The following EYS variants were observed in gnomAD, a reference collection of about 807,000 sequenced individuals.
The protein encoded by EYS is EGF-like photoreceptor maintenance factor.
In EYS, 250 loss-of-function variants were observed where a neutral mutation model predicts 282.1. The observed-to-expected ratio is 0.89, with a 90% confidence interval of 0.80 to 0.98. EYS has a LOEUF of 0.98. EYS is among the 50% of genes least tolerant of loss of function. EYS has a pLI of 0.00. For synonymous variants in EYS, 1,355 were observed against 1,282.9 expected (o/e 1.06, Z -1.20); for missense variants, 4,016 against 3,709.0 (o/e 1.08, Z -2.15).
intron 11 of EYS, among the ~76,000 whole-genome samples, chr6:65,301,887 A>G (rs1768846911): frequency 1.3e-5 from 2 of 152,346 alleles, no homozygotes; most frequent in African/African-American, 4.8e-5. Flanking sequence ...AACTAGAGAT[A>G]GTGATGCTTT....
intron 31 of EYS, among the ~76,000 whole-genome samples, chr6:64,085,336 G>GCA (rs1304096306): frequency 1.3e-5 from 1 of 76,640 alleles, no homozygotes; most frequent in Non-Finnish European, 2.7e-5. Flanking sequence ...GCGCACGTGC[G>GCA]CGCGCACACA....
intron 36 of EYS, chr6:63,821,124 A>G (rs1269135058): frequency 6.6e-6 from 1 of 151,562 alleles, no homozygotes; most frequent in Non-Finnish European, 1.5e-5. Context: ...AAAGTTTTAT[A>G]ATTTTCTACA....
chr6:64,592,632 A>T (rs567771714), intron 25 of EYS, among the ~76,000 whole-genome samples: 1 of 152,298 alleles, frequency 6.6e-6, no homozygotes, highest in African/African-American at 2.4e-5. Flanking sequence ...ATAATATGAC[A>T]TCACTTGATT....
chr6:64,345,790 G>A (rs1008205264), intron 29 of EYS, among the ~76,000 whole-genome samples: 13 of 152,028 alleles, frequency 8.6e-5, no homozygotes, highest in African/African-American at 1.9e-4. Flanking sequence ...GAAAATTTTC[G>A]CAACCTACTT....
intron 36 of EYS, among the ~76,000 whole-genome samples, chr6:63,808,113 C>T (rs1360659628): frequency 2.0e-5 from 3 of 152,030 alleles, no homozygotes; most frequent in African/African-American, 7.2e-5. Flanking sequence ...ATGCTGGTGA[C>T]ACAAAGATAA....
At chr6:64,254,110 C>A (rs9353665) in intron 30 of EYS, among the ~76,000 whole-genome samples, 47,376 of 151,834 alleles carry the variant, frequency 0.31, 7,411 homozygotes, top group East Asian at 0.51. Context: ...CTAGGGAGGC[C>A]TTAATTAAAC....
intron 22 of EYS, among the ~76,000 whole-genome samples, chr6:64,680,829 C>T (rs1391172497): frequency 6.6e-6 from 1 of 152,064 alleles, no homozygotes; most frequent in African/African-American, 2.4e-5. Flanking sequence ...GAGATTTTGC[C>T]CCGGGGAAAA....
chr6:64,822,506 C>T, intron 20 of EYS, 145 bp downstream of exon 20: 1 of 649,276 alleles, frequency 1.5e-6, no homozygotes, highest in South Asian at 2.3e-5. Flanking sequence ...AAACTGGCAG[C>T]ATCTGTCATC....
intron 2 of EYS, among the ~76,000 whole-genome samples, chr6:65,530,273 C>A (rs973030486): frequency 2.0e-5 from 3 of 152,126 alleles, no homozygotes; most frequent in African/African-American, 7.2e-5. Flanking sequence ...TTCTCAGTGT[C>A]TATCAAACTC....
Position 65,326,938 on chromosome 6 carries a change from T to G in EYS, c.1766+8042A>C, listed in dbSNP as rs1028639488. On this transcript the variant is annotated intron_variant, in intron 11 of 42. Transcript: ENST00000503581. The stretch of plus-strand genomic sequence containing the variant: ...AATTATTTTATTTCTAATAAGTTTT[T>G]TAAATCAATTCTTTTATTTTACTAT... 5.6e-4 allele frequency among the ~76,000 whole-genome samples: 85 copies of G among 151,814 alleles called. 1 individual carries two copies. Among genetic ancestry groups the G allele is most frequent in the African/African-American group, 1.8e-3 (75 of 41,556 alleles).
intron 14 of EYS, among the ~76,000 whole-genome samples, chr6:64,991,039 A>T (rs1484279545): frequency 6.6e-6 from 1 of 151,312 alleles, no homozygotes; most frequent in Non-Finnish European, 1.5e-5. Flanking sequence ...ACATATTAAG[A>T]TAATTATACA....
At chr6:64,337,458 T>A (rs1390217554) in intron 29 of EYS, among the ~76,000 whole-genome samples, 1 of 151,798 alleles carries the variant, frequency 6.6e-6, no homozygotes, top group Non-Finnish European at 1.5e-5. Context: ...AACAGACCAA[T>A]AAGAAACAGT....
At chr6:64,390,527 AG>A (rs1262630884) in intron 28 of EYS, among the ~76,000 whole-genome samples, 1 of 151,294 alleles carries the variant, frequency 6.6e-6, no homozygotes, top group Non-Finnish European at 1.5e-5. Context: ...GACACCTCAC[AG>A]GGCAGGGTAT....
At chr6:65,453,687 C>G (rs1415356307) in intron 5 of EYS, among the ~76,000 whole-genome samples, 1 of 152,010 alleles carries the variant, frequency 6.6e-6, no homozygotes, top group Non-Finnish European at 1.5e-5. Flanking sequence ...CCCCTCCCCC[C>G]TACAGTCTCT....
intron 19 of EYS, among the ~76,000 whole-genome samples, chr6:64,885,547 T>C (rs1305609996): frequency 1.3e-5 from 2 of 151,800 alleles, no homozygotes; most frequent in Non-Finnish European, 3.0e-5. Context: ...CATTGATAGC[T>C]CAATAATTTT....
At chr6:63,762,767 T>G in intron 40 of EYS, 134 bp from the exon 41 acceptor site, 1 of 835,928 alleles carries the variant, frequency 1.2e-6, no homozygotes, top group Non-Finnish European at 1.8e-6. Flanking sequence ...ATTCAAACCC[T>G]AAATTGTCAA....
At chr6:64,962,824 G>A (rs142282462) in intron 14 of EYS, among the ~76,000 whole-genome samples, 4 of 152,214 alleles carry the variant, frequency 2.6e-5, no homozygotes, top group East Asian at 1.9e-4. Flanking sequence ...TTACCGAAGA[G>A]TAAGTATATC....
chr6:63,807,211 A>G (rs921008899), intron 36 of EYS, among the ~76,000 whole-genome samples: 1 of 152,136 alleles, frequency 6.6e-6, no homozygotes, highest in African/African-American at 2.4e-5. Context: ...TTGACACCCC[A>G]TTCCTGTCTT....
intron 8 of EYS, among the ~76,000 whole-genome samples, chr6:65,380,090 G>A (rs1765553054): frequency 6.6e-6 from 1 of 151,776 alleles, no homozygotes; most frequent in South Asian, 2.1e-4. Context: ...ATCTTCCATC[G>A]ACTTTCTTCA....
Sources: gnomAD v4.1 joint callset for allele counts (sites outside exome capture counted in the v4.1 genomes callset) on GRCh38, gnomAD v4.1.1 for gene constraint, MANE v1.5 for transcripts, NCBI Gene and HGNC (gene_info 2026-07-23, HGNC 2026-07-21) for gene names.